The following BORCS8 variants were observed in gnomAD, a reference collection of about 807,000 sequenced individuals.
The protein encoded by BORCS8 is BLOC-1 related complex subunit 8.
A neutral mutation model predicts 18.7 loss-of-function variants in BORCS8; 13 were observed. That is an observed-to-expected ratio of 0.70 (90% confidence interval 0.45 to 1.11). The LOEUF (loss-of-function observed/expected upper bound fraction) is 1.11. Among genes scored for constraint, BORCS8 ranks in the 50% least tolerant of loss-of-function variants. The probability of loss-of-function intolerance (pLI) is 0.00; values close to 1 mark genes in which losing one functional copy is unlikely to be tolerated. For synonymous variants in BORCS8, 68 were observed against 64.8 expected, an observed-to-expected ratio of 1.05 and a Z score of -0.24; for missense variants, 165 against 165.7, an observed-to-expected ratio of 1.00 and a Z score of 0.02.
chr19:19,190,681 G>A (rs888908895), intron 1 of BORCS8, among the ~76,000 whole-genome samples: 1 of 152,104 alleles, frequency 6.6e-6, no homozygotes, highest in African/African-American at 2.4e-5. Flanking sequence ...CCAGCTATTC[G>A]GGAGGCTGAG....
Position 19,182,474 on chromosome 19 carries a change from C to G in BORCS8, c.326+99G>C, listed in dbSNP as rs2060358462. ...AGACACCAGGACAAAAGGAAAGAGACAGTTTTCTAATAAGCGAGAAGCAGC... is the reference window on the plus strand; with the variant it reads ...AGACACCAGGACAAAAGGAAAGAGAGAGTTTTCTAATAAGCGAGAAGCAGC... On this transcript the variant is annotated intron_variant, in intron 4 of 5. Transcript: ENST00000462790. This position sits in a 1 kb window ranked among gnomAD's most constrained non-coding sequence, Gnocchi z 4.1. The G allele has an allele frequency of 1.4e-6, 2 of 1,470,128 alleles. No homozygotes were observed. The highest frequency in any genetic ancestry group is 1.8e-6 in the Non-Finnish European group (2 of 1,111,850). The allele number at this position is 1,470,128 out of a possible 1,614,324, so 91.1% of individuals were successfully genotyped here.
In BORCS8 at chr19:19,192,101, A is replaced by G. The variant is rs1258466785; in HGVS notation, c.17T>C (p.Met6Thr). The change falls in exon 1 of 6, where the codon ATG (methionine) becomes ACG (threonine). Residue 6 changes from methionine (M) to threonine (T), a missense_variant. Met to Thr is a moderately conservative substitution (Grantham distance 81, BLOSUM62 -1). Transcript: ENST00000462790. MEEPE[M>T]QLKGKKVTDK... ...ACCACCTTTCTTCCCCTTGAGCTGC[A>G]TCTCCGGCTCCTCCATAGCGACCGC... is the stretch of plus-strand genomic sequence containing the variant. 2.1e-5 allele frequency: 33 copies of G among 1,551,072 alleles called. No homozygotes were observed. Among genetic ancestry groups the G allele is most frequent in the Non-Finnish European group, 2.8e-5 (32 of 1,146,832 alleles).
At position 19,182,522 on chromosome 19, in the gene BORCS8, C is replaced by G; in HGVS notation, c.326+51G>C. ...AGCGGTTCCCAGCGCAGCTGAGAGA[C>G]GGTCCTTGCAGCTGGGAGTGGCAGT... is the stretch of plus-strand genomic sequence containing the variant. On this transcript the variant is annotated intron_variant, in intron 4 of 5. Transcript: ENST00000462790. The surrounding 1 kb of genome is among the most constrained non-coding windows in gnomAD (Gnocchi z 4.1). 1 of 1,533,806 alleles carries G rather than the reference C, an allele frequency of 6.5e-7. No individual in the cohort carries two copies. The highest frequency in any genetic ancestry group is 8.8e-7 in the Non-Finnish European group (1 of 1,139,932).
At chr19:19,184,065 TAG>T (rs1599755572) in intron 3 of BORCS8, among the ~76,000 whole-genome samples, 6 of 149,786 alleles carry the variant, frequency 4.0e-5, no homozygotes, top group Admixed American at 6.7e-5. Flanking sequence ...GTATTTTTAG[TAG>T]AGATAGGGTT....
chr19:19,179,666 G>GTCTGCCCATCACAGATATAGAATGGTT (rs2060331411), intron 5 of BORCS8: 1 of 152,648 alleles, frequency 6.6e-6, no homozygotes, highest in Non-Finnish European at 1.5e-5. Context: ...ACCTGCCTGC[G>GTCTGCCCATCACAGATATAGAATGGTT]TCTGCCCATC....
chr19:19,191,047 G>C (rs1237406805), intron 1 of BORCS8, among the ~76,000 whole-genome samples: 1 of 152,142 alleles, frequency 6.6e-6, no homozygotes, highest in Admixed American at 6.5e-5. Flanking sequence ...GAGTAATCTA[G>C]GGTGATTTAA....
chr19:19,191,934 A>G (rs1464358183), intron 1 of BORCS8, 147 bp downstream of exon 1: 9 of 920,760 alleles, frequency 9.8e-6, no homozygotes, highest in Non-Finnish European at 1.3e-5. Flanking sequence ...GCCTTTCTAC[A>G]GGTTTCAAAA....
At chr19:19,178,028 T>TGCCC (rs1186996998) in intron 5 of BORCS8, 1 of 152,284 alleles carries the variant, frequency 6.6e-6, no homozygotes, top group African/African-American at 2.4e-5. Flanking sequence ...GGATTACAGG[T>TGCCC]GCCCGCCATC....
intron 5 of BORCS8, chr19:19,178,345 C>G (rs528906577): frequency 6.6e-6 from 1 of 152,518 alleles, no homozygotes. Flanking sequence ...CTGCCTGGCC[C>G]AGCTTCAGTC....
chr19:19,181,782 T>C (rs530051329), intron 4 of BORCS8: 1 of 856,810 alleles, frequency 1.2e-6, no homozygotes, highest in Admixed American at 6.2e-5. Flanking sequence ...AGATGCTTTC[T>C]TTCTTTTGCC....
rs568994790 is a variant in BORCS8 at position 19,177,900 on chromosome 19, C to T, written c.*43-440G>A. 40 of 152,174 alleles carry T rather than the reference C, an allele frequency of 2.6e-4. No homozygotes were observed. The East Asian group carries it at 7.2e-3, about 27-fold the overall frequency. The allele number at this position is 152,174 out of a possible 1,614,324, so 9.4% of individuals were successfully genotyped here. On this transcript the variant is annotated intron_variant, in intron 5 of 5. Transcript: ENST00000462790. ...CTTTTTTTTTTTGGTTGGGGGGCGG[C>T]GGGTGCGAAGTCTCGCTCTGTCGCG...
intron 4 of BORCS8, among the ~76,000 whole-genome samples, chr19:19,181,078 C>A (rs933613998): frequency 9.2e-5 from 14 of 152,074 alleles, no homozygotes; most frequent in African/African-American, 3.4e-4. Context: ...GCCTGTAATC[C>A]CAGCTACTCG....
chr19:19,191,676 C>A (rs1220657517), intron 1 of BORCS8, among the ~76,000 whole-genome samples: 2 of 152,016 alleles, frequency 1.3e-5, no homozygotes, highest in Non-Finnish European at 2.9e-5. Context: ...ACCTCCCGGG[C>A]TCAAGCAATC....
At chr19:19,181,067 C>T (rs1039635372) in intron 4 of BORCS8, among the ~76,000 whole-genome samples, 2 of 151,990 alleles carry the variant, frequency 1.3e-5, no homozygotes, top group Admixed American at 6.6e-5. Context: ...TGGTGGCAGG[C>T]GCCTGTAATC....
At chr19:19,184,940 C>T (rs527498512) in intron 3 of BORCS8, among the ~76,000 whole-genome samples, 4 of 152,052 alleles carry the variant, frequency 2.6e-5, no homozygotes, top group South Asian at 2.1e-4. Context: ...GGCTATATCA[C>T]GCAGGCTGAC....
chr19:19,182,474 C>T lies in BORCS8; in HGVS notation c.326+99G>A, dbSNP rs2060358462. 12 of 1,470,010 alleles carry T rather than the reference C, an allele frequency of 8.2e-6. No individual in the cohort carries two copies. The highest frequency in any genetic ancestry group is 9.9e-6 in the Non-Finnish European group (11 of 1,111,858). The allele number at this position is 1,470,010 out of a possible 1,614,324, so 91.1% of individuals were successfully genotyped here. A position where few individuals can be genotyped will look rare whatever the true frequency, so the allele number is the denominator to read the frequency against. On this transcript the variant is annotated intron_variant, in intron 4 of 5. Coordinates refer to ENST00000462790, the MANE Select transcript of BORCS8 (RefSeq NM_001145784.2). This position sits in a 1 kb window ranked among gnomAD's most constrained non-coding sequence, Gnocchi z 4.1. The stretch of plus-strand genomic sequence containing the variant: ...AGACACCAGGACAAAAGGAAAGAGA[C>T]AGTTTTCTAATAAGCGAGAAGCAGC...
Position 19,189,015 on chromosome 19 carries a change from A to G in BORCS8, c.38-2010T>C, listed in dbSNP as rs369635469. On this transcript the variant is annotated intron_variant, in intron 1 of 5. Coordinates refer to ENST00000462790, the MANE Select transcript of BORCS8 (RefSeq NM_001145784.2). ...ACGCCTGGCTAATTTTTGTATTTTT[A>G]TTTGAGATGGGGTTTTACCATGTTG... Among the ~76,000 whole-genome samples, 3 of 151,822 alleles carry G rather than the reference A, an allele frequency of 2.0e-5. No homozygotes were observed. The South Asian group carries it at 6.2e-4, about 32-fold the overall frequency.
chr19:19,188,759 G>A (rs924712115), intron 1 of BORCS8, among the ~76,000 whole-genome samples: 1 of 152,058 alleles, frequency 6.6e-6, no homozygotes, highest in African/African-American at 2.4e-5. Flanking sequence ...TACCTGAGGT[G>A]CCCCTCGCTC....
intron 1 of BORCS8, among the ~76,000 whole-genome samples, chr19:19,187,207 T>C (rs2060418108): frequency 6.6e-6 from 1 of 152,090 alleles, no homozygotes; most frequent in South Asian, 2.1e-4. Context: ...CCGGGTGCGG[T>C]GGCTCACGCC....
Sources: allele counts gnomAD v4.1 joint callset (sites outside exome capture counted in the v4.1 genomes callset), GRCh38; gene constraint gnomAD v4.1.1; non-coding constraint Gnocchi (gnomAD v3.1); transcripts MANE v1.5; gene names NCBI Gene and HGNC (gene_info 2026-07-23, HGNC 2026-07-21).